The following SNX1 variants were observed in gnomAD, a reference collection of about 807,000 sequenced individuals.
The protein encoded by SNX1 is sorting nexin-1.
Under a neutral mutation model 71.8 loss-of-function variants are expected in SNX1, and 36 were observed. That is an observed-to-expected ratio of 0.50 (90% CI 0.38 to 0.66). The LOEUF (loss-of-function observed/expected upper bound fraction) is 0.66. Among genes scored for constraint, SNX1 ranks in the 30% least tolerant of loss-of-function variants. The pLI is 0.00. For missense variants in SNX1, 612 were observed against 646.7 expected, an observed-to-expected ratio of 0.95 and a Z score of 0.58; for synonymous variants, 254 against 240.7, an observed-to-expected ratio of 1.06 and a Z score of -0.51.
In SNX1 at chr15:64,131,889, C is replaced by T; in HGVS notation, c.1218C>T (p.Val406=). 6.2e-7 allele frequency: 1 copy of T among 1,613,980 alleles called. No homozygotes were observed. The highest frequency in any genetic ancestry group is 8.5e-7 in the Non-Finnish European group (1 of 1,179,812). Residue 406 remains valine (V), a synonymous_variant, in exon 11 of 15, where the codon GTC becomes GTT. Transcript: ENST00000559844. ...LSDYIRLLAI[V]RAAFDQRMKT... ...ACTACATTCGCCTCCTGGCCATAGTCCGCGTAAGCTTCTGTTTCCTTTTCT... is the reference window on the plus strand; with the variant it reads ...ACTACATTCGCCTCCTGGCCATAGTTCGCGTAAGCTTCTGTTTCCTTTTCT...
rs1395653603 is a variant in SNX1 at position 64,134,872 on chromosome 15, C to T, written c.1365+65C>T. 9 of 1,586,076 alleles carry T rather than the reference C, an allele frequency of 5.7e-6. No individual in the cohort carries two copies. The highest frequency in any genetic ancestry group is 7.7e-6 in the Non-Finnish European group (9 of 1,165,330). ...GGTTCCAAATGAACCCAGGGCCCATCCCACCCAGAGGTTTGGAACCCCACA... is the reference window on the plus strand; with the variant it reads ...GGTTCCAAATGAACCCAGGGCCCATTCCACCCAGAGGTTTGGAACCCCACA... On this transcript the variant is annotated intron_variant, in intron 12 of 14. Coordinates refer to ENST00000559844, the MANE Select transcript of SNX1 (RefSeq NM_003099.5). This position sits in a 1 kb window ranked among gnomAD's most constrained non-coding sequence, Gnocchi z 4.1.
chr15:64,122,767 C>T (rs1025732393), intron 4 of SNX1, among the ~76,000 whole-genome samples: 2 of 152,184 alleles, frequency 1.3e-5, no homozygotes, highest in African/African-American at 4.8e-5. Flanking sequence ...CTTTTCAGTG[C>T]TCAGGATATC....
At position 64,096,089 on chromosome 15, in the gene SNX1, G is replaced by T. The variant is rs1332473886; in HGVS notation, c.76G>T (p.Glu26Ter). Residue 26 changes from glutamate to a stop codon, truncating the protein, a stop_gained, in exon 1 of 15, where the codon GAG (glutamate) becomes TAG (stop). Coordinates refer to ENST00000559844, the MANE Select transcript of SNX1 (RefSeq NM_003099.5). LOFTEE classifies it high-confidence loss of function. ...PPFPGLEPES[E>*]GAAGGSEPEA... Reference sequence around the variant, plus strand: ...CTTCCCCGGCCTGGAGCCGGAGTCCGAGGGGGCGGCCGGGGGATCAGAACC... The same window carrying T: ...CTTCCCCGGCCTGGAGCCGGAGTCCTAGGGGGCGGCCGGGGGATCAGAACC... 6.4e-7 allele frequency: 1 copy of T among 1,571,712 alleles called. No individual in the cohort carries two copies. Among genetic ancestry groups the T allele is most frequent in the South Asian group, 1.2e-5 (1 of 86,010 alleles).
In SNX1 at chr15:64,143,811, TTC is replaced by T. The variant is rs1346175049; in HGVS notation, c.*6195_*6196del. On this transcript the variant is annotated 3_prime_UTR_variant, in exon 15 of 15. Transcript: ENST00000559844. ...ATTCACTGAGGATCCTCATAGGCAC[TTC>T]TAGAAACCAAATCCTTGAAGATGAC... The T allele has an allele frequency of 1.2e-4, 18 of 152,232 alleles. No individual in the cohort carries two copies. The highest frequency in any genetic ancestry group is 4.1e-4 in the African/African-American group (17 of 41,454). The allele number at this position is 152,232 out of a possible 1,614,324, so 9.4% of individuals were successfully genotyped here. A position where few individuals can be genotyped will look rare whatever the true frequency, so the allele number is the denominator to read the frequency against.
chr15:64,135,678 G>A (rs1362279392), intron 12 of SNX1, among the ~76,000 whole-genome samples: 1 of 149,840 alleles, frequency 6.7e-6, no homozygotes, highest in African/African-American at 2.5e-5. Flanking sequence ...AGAATCGCTT[G>A]AACCTGGGAG....
chr15:64,108,251 A>G (rs1335943754), intron 1 of SNX1, among the ~76,000 whole-genome samples: 2 of 152,078 alleles, frequency 1.3e-5, no homozygotes, highest in Non-Finnish European at 2.9e-5. Context: ...TTGCCATTGA[A>G]TGTAATCAGT....
At chr15:64,126,680 A>C (rs1189582578) in intron 6 of SNX1, among the ~76,000 whole-genome samples, 3 of 152,144 alleles carry the variant, frequency 2.0e-5, no homozygotes, top group African/African-American at 7.2e-5. Context: ...TCCGGGTTCA[A>C]GAGATTCTCC....
intron 2 of SNX1, among the ~76,000 whole-genome samples, chr15:64,115,086 C>A (rs2081115147): frequency 1.3e-5 from 2 of 152,110 alleles, no homozygotes; most frequent in South Asian, 2.1e-4. Flanking sequence ...ATCTTTGGGA[C>A]CTTAACATTT....
intron 1 of SNX1, among the ~76,000 whole-genome samples, chr15:64,109,488 G>T (rs2140137453): frequency 7.5e-6 from 1 of 133,320 alleles, no homozygotes; most frequent in East Asian, 2.4e-4. Flanking sequence ...ACCTAGTGAA[G>T]ATTTTTGTTT....
chr15:64,123,894 CT>C (rs1427715160), intron 5 of SNX1, among the ~76,000 whole-genome samples: 2 of 152,020 alleles, frequency 1.3e-5, no homozygotes, highest in South Asian at 4.1e-4. Context: ...TTTCAGAGAG[CT>C]TTTTTAAATA....
rs1053810315 is a variant in SNX1, at chr15:64,140,221, T to C, written c.*2603T>C. 2.0e-5 allele frequency: 3 copies of C among 152,270 alleles called. No homozygotes were observed. Among genetic ancestry groups the C allele is most frequent in the African/African-American group, 7.2e-5 (3 of 41,470 alleles). 9.4% of individuals were successfully genotyped at this position (152,270 alleles called of 1,614,324 possible). ...TGATTGACCAACATGATTTCCTAACTCCATAATGCCTTCTACATTTATTGG... is the reference window on the plus strand; with the variant it reads ...TGATTGACCAACATGATTTCCTAACCCCATAATGCCTTCTACATTTATTGG... On this transcript the variant is annotated 3_prime_UTR_variant, in exon 15 of 15. Transcript: ENST00000559844.
intron 5 of SNX1, 32 bp from the exon 6 acceptor site, chr15:64,126,047 G>A: frequency 6.2e-7 from 1 of 1,613,262 alleles, no homozygotes; most frequent in Non-Finnish European, 8.5e-7. Flanking sequence ...TATTTGGAAT[G>A]AAATTGCCTT....
intron 1 of SNX1, 80 bp downstream of exon 1, chr15:64,096,252 G>T: frequency 6.8e-7 from 1 of 1,478,792 alleles, no homozygotes; most frequent in South Asian, 1.2e-5. Flanking sequence ...CGGGGAGGTT[G>T]GGCAGAGTGG....
At chr15:64,116,125 A>G (rs2081126386) in intron 2 of SNX1, among the ~76,000 whole-genome samples, 1 of 152,270 alleles carries the variant, frequency 6.6e-6, no homozygotes. Flanking sequence ...TTTGTATGTT[A>G]CATGTATTAT....
At chr15:64,113,327 G>A (rs2081096463) in intron 2 of SNX1, among the ~76,000 whole-genome samples, 1 of 152,088 alleles carries the variant, frequency 6.6e-6, no homozygotes, top group African/African-American at 2.4e-5. Context: ...TCAACAGAGG[G>A]GGTGCTTTTG....
At chr15:64,133,236 A>C (rs2081325194) in intron 11 of SNX1, among the ~76,000 whole-genome samples, 1 of 152,216 alleles carries the variant, frequency 6.6e-6, no homozygotes, top group South Asian at 2.1e-4. Context: ...ATGGAGCCGG[A>C]CCACTGTTAG....
At chr15:64,111,020 A>G (rs938316858) in intron 1 of SNX1, among the ~76,000 whole-genome samples, 5 of 152,204 alleles carry the variant, frequency 3.3e-5, no homozygotes, top group Non-Finnish European at 5.9e-5. Context: ...ATTTGTATAC[A>G]TGTATCCTTA....
In SNX1 at chr15:64,140,365, T is replaced by TAAA. The variant is rs1427100339; in HGVS notation, c.*2748_*2749insAAA. On this transcript the variant is annotated 3_prime_UTR_variant, in exon 15 of 15. Coordinates refer to ENST00000559844, the MANE Select transcript of SNX1 (RefSeq NM_003099.5). ...GAGTTGCAAGCCATTGCTTTGATTTTATCTTGATTCTCAAATTGTCCCAGA... is the reference window on the plus strand; with the variant it reads ...GAGTTGCAAGCCATTGCTTTGATTTTAAAATCTTGATTCTCAAATTGTCCCAGA... 3.9e-5 allele frequency: 6 copies of TAAA among 152,252 alleles called. No homozygotes were observed. Among genetic ancestry groups the TAAA allele is most frequent in the African/African-American group, 1.4e-4 (6 of 41,470 alleles). The allele number at this position is 152,252 out of a possible 1,614,324, so 9.4% of individuals were successfully genotyped here.
At chr15:64,098,511 G>T (rs181377383) in intron 1 of SNX1, among the ~76,000 whole-genome samples, 1,789 of 152,204 alleles carry the variant, frequency 0.012, 18 homozygotes, top group Non-Finnish European at 0.016. Context: ...TGGCCAACAT[G>T]GCAAAACCCC....
Sources: gnomAD v4.1 joint callset for allele counts (sites outside exome capture counted in the v4.1 genomes callset) on GRCh38, gnomAD v4.1.1 for gene constraint, Gnocchi (gnomAD v3.1) non-coding constraint, MANE v1.5 for transcripts, NCBI Gene and HGNC (gene_info 2026-07-23, HGNC 2026-07-21) for gene names.